Variants in MYCBP2 observed in about 807,000 individuals in gnomAD.
MYCBP2 encodes E3 ubiquitin-protein ligase MYCBP2.
A neutral mutation model predicts 525.3 loss-of-function variants in MYCBP2; 120 were observed. The ratio of observed to expected loss-of-function variants is 0.23; its 90% CI spans 0.20 to 0.27. The LOEUF is 0.27. Ranked by LOEUF, MYCBP2 falls within the 10% of genes least tolerant of loss-of-function variation. The pLI is 1.00. For synonymous variants in MYCBP2, 1,894 were observed against 1,955.8 expected (o/e 0.97, Z 0.83); for missense variants, 4,149 against 5,657.1 (o/e 0.73, Z 8.55).
At chr13:77,059,281 A>C (rs1036846360) in intron 77 of MYCBP2, among the ~76,000 whole-genome samples, 1 of 152,240 alleles carries the variant, frequency 6.6e-6, no homozygotes. Flanking sequence ...TTCTAGTACA[A>C]AAGTAGATAT....
chr13:77,076,825 C>T lies in MYCBP2; in HGVS notation c.11749G>A (p.Asp3917Asn), dbSNP rs547000307. The T allele has an allele frequency of 1.2e-6, 2 of 1,612,926 alleles. No individual in the cohort carries two copies. Among genetic ancestry groups the T allele is most frequent in the South Asian group, 1.1e-5 (1 of 90,870 alleles). The change falls in exon 68 of 83, where the codon GAT becomes AAT. Residue 3917 changes from aspartate to asparagine, a missense_variant. By Grantham distance (23) the Asp-to-Asn change is conservative. Transcript: ENST00000544440. ...SQVFGKLISG[D>N]AEPTPEQEEK... ...TCTTGTTCTGGTGTAGGTTCAGCAT[C>T]TCCAGAGATGAGCTTTCCAAATACC...
intron 55 of MYCBP2, among the ~76,000 whole-genome samples, chr13:77,108,566 T>C (rs2048230744): frequency 6.6e-6 from 1 of 152,168 alleles, no homozygotes; most frequent in South Asian, 2.1e-4. Flanking sequence ...ATCAGACATT[T>C]TGATAAAGTG....
intron 1 of MYCBP2, among the ~76,000 whole-genome samples, chr13:77,321,208 T>G (rs1163769369): frequency 1.3e-5 from 2 of 152,222 alleles, no homozygotes; most frequent in Non-Finnish European, 2.9e-5. Flanking sequence ...GACAAAAGTA[T>G]TTTTAGATTG....
chr13:77,296,755 A>G (rs185764330), intron 1 of MYCBP2, 81 bp from the exon 2 acceptor site: 30 of 1,085,558 alleles, frequency 2.8e-5, no homozygotes, highest in Non-Finnish European at 3.8e-5. Context: ...GGGTATTTCC[A>G]AAGTAGACAT....
At chr13:77,059,410 T>C (rs1232689833) in intron 77 of MYCBP2, 113 bp downstream of exon 77, 20 of 787,772 alleles carry the variant, frequency 2.5e-5, no homozygotes, top group Non-Finnish European at 4.0e-5. Context: ...ACATAGGTAA[T>C]ACACTCATTT....
chr13:77,131,002 A>C (rs1278805799), intron 52 of MYCBP2, among the ~76,000 whole-genome samples: 1 of 152,208 alleles, frequency 6.6e-6, no homozygotes, highest in African/African-American at 2.4e-5. Flanking sequence ...AAATGATGTT[A>C]ACTGCTAACT....
At position 77,326,306 on chromosome 13, in the gene MYCBP2, C is replaced by T. The variant is rs1327776712; in HGVS notation, c.302+168G>A. On this transcript the variant is annotated intron_variant, in intron 1 of 82. Coordinates refer to ENST00000544440, the MANE Select transcript of MYCBP2 (RefSeq NM_015057.5). The surrounding 1 kb of genome is among the most constrained non-coding windows in gnomAD (Gnocchi z 4.2). ...ACACGAGAAACTGCAGCCACCGCAC[C>T]CTCCTATCTCGATAAGTGCTCCTGC... Among the ~76,000 whole-genome samples, 6 of 151,446 alleles carry T rather than the reference C, an allele frequency of 4.0e-5. No individual in the cohort carries two copies. Among genetic ancestry groups the T allele is most frequent in the Non-Finnish European group, 8.8e-5 (6 of 67,898 alleles).
chr13:77,088,721 T>A (rs774373768), intron 61 of MYCBP2, 111 bp downstream of exon 61: 29 of 863,282 alleles, frequency 3.4e-5, no homozygotes, highest in Non-Finnish European at 5.2e-5. Flanking sequence ...AATTGGCTAA[T>A]GCCTTTTAAT....
At chr13:77,047,132 C>G (rs931810581) in intron 82 of MYCBP2, among the ~76,000 whole-genome samples, 5 of 152,158 alleles carry the variant, frequency 3.3e-5, no homozygotes, top group Non-Finnish European at 7.3e-5. Flanking sequence ...TCAAGGTGTT[C>G]ACAATCCAAC....
chr13:77,066,010 A>C lies in MYCBP2; in HGVS notation c.12534T>G (p.Leu4178=). 2 of 1,611,902 alleles carry C rather than the reference A, an allele frequency of 1.2e-6. No individual in the cohort carries two copies. The highest frequency in any genetic ancestry group is 1.7e-6 in the Non-Finnish European group (2 of 1,178,728). The part of the protein sequence containing the change: ...PTQISEIIIK[L]IKDMAAGHLS... ...AACTTACTGCTGCCATATCCTTGAT[A>C]AGTTTAATGATGATCTCTGAGATCT... The change falls in exon 72 of 83, where the codon CTT becomes CTG. Residue 4178 remains leucine (L), a synonymous_variant. Transcript: ENST00000544440.
chr13:77,202,203 G>A, intron 26 of MYCBP2, among the ~76,000 whole-genome samples: 1 of 152,164 alleles, frequency 6.6e-6, no homozygotes, highest in East Asian at 1.9e-4. Flanking sequence ...AAATGATAAA[G>A]GGGATATCAT....
At chr13:77,151,711 C>G (rs1178762439) in intron 46 of MYCBP2, among the ~76,000 whole-genome samples, 1 of 152,148 alleles carries the variant, frequency 6.6e-6, no homozygotes, top group Non-Finnish European at 1.5e-5. Context: ...TATAACTTTG[C>G]AACTCAATTT....
At chr13:77,144,626 A>C in intron 48 of MYCBP2, 66 bp from the exon 49 acceptor site, 1 of 1,030,598 alleles carries the variant, frequency 9.7e-7, no homozygotes, top group South Asian at 1.3e-5. Context: ...TCATTACGAT[A>C]GTTCAGCAAA....
chr13:77,295,699 T>A (rs2078115418), intron 2 of MYCBP2, among the ~76,000 whole-genome samples: 1 of 152,226 alleles, frequency 6.6e-6, no homozygotes, highest in African/African-American at 2.4e-5. Flanking sequence ...TCTGTCTAGA[T>A]GTTCAATAGA....
rs373274658 is a variant in MYCBP2 at position 77,150,941 on chromosome 13, C to A, written c.6924G>T (p.Val2308=). 6.2e-7 allele frequency: 1 copy of A among 1,613,622 alleles called. No individual in the cohort carries two copies. Among genetic ancestry groups the A allele is most frequent in the African/African-American group, 1.3e-5 (1 of 75,024 alleles). Residue 2308 remains valine (V), a synonymous_variant, in exon 47 of 83, where the codon GTG becomes GTT. Coordinates refer to ENST00000544440, the MANE Select transcript of MYCBP2 (RefSeq NM_015057.5). ...VVHVPNMKVE[V]KAVPVSQKKM... ...TTTTCTGAGAAACAGGGACAGCTTT[C>A]ACTTCCACCTAAACATGGTATTATA...
rs2063202313 is a variant in MYCBP2 at position 77,205,336 on chromosome 13, G to A, written c.3763C>T (p.Arg1255Cys). ...AAAATATCAGTGTCGGCACTGAAAC[G>A]TATAGCTTCTACTGAATGGGCAGAA... ...GYSAHSVEAIRFSADTDILLG... is the reference protein window; with the variant it reads ...GYSAHSVEAICFSADTDILLG... The change falls in exon 26 of 83, where the codon CGT becomes TGT. Residue 1255 changes from arginine (R) to cysteine (C), a missense_variant. By Grantham distance (180) the Arg-to-Cys change is radical. Transcript: ENST00000544440. 3.1e-6 allele frequency: 5 copies of A among 1,613,550 alleles called. No individual in the cohort carries two copies. The highest frequency in any genetic ancestry group is 2.2e-5 in the East Asian group (1 of 44,858).
intron 1 of MYCBP2, among the ~76,000 whole-genome samples, chr13:77,315,834 T>G (rs1430496249): frequency 6.8e-6 from 1 of 148,104 alleles, no homozygotes; most frequent in African/African-American, 2.5e-5. Context: ...GGCAGAGGCT[T>G]CAGTGAGCCG....
chr13:77,078,549 C>G (rs535957855), intron 66 of MYCBP2, among the ~76,000 whole-genome samples: 1 of 151,946 alleles, frequency 6.6e-6, no homozygotes, highest in African/African-American at 2.4e-5. Context: ...TTTAAGATAC[C>G]CTGAGTCTTT....
In MYCBP2 at chr13:77,111,040, G is replaced by A. The variant is rs538350861; in HGVS notation, c.8140+10333C>T. 2.0e-5 allele frequency among the ~76,000 whole-genome samples: 3 copies of A among 152,270 alleles called. No homozygotes were observed. In the South Asian group the frequency reaches 6.2e-4, roughly 32 times the overall value. On this transcript the variant is annotated intron_variant, in intron 55 of 82. Transcript: ENST00000544440. ...TCTGATTACAAAAAATGAACGTTTT[G>A]TTCAGCTTAAGTAATGAGATATACT...
Sources: gnomAD v4.1 joint callset for allele counts (sites outside exome capture counted in the v4.1 genomes callset) on GRCh38, gnomAD v4.1.1 for gene constraint, Gnocchi (gnomAD v3.1) non-coding constraint, MANE v1.5 for transcripts, NCBI Gene and HGNC (gene_info 2026-07-23, HGNC 2026-07-21) for gene names.